NEBL: variants seen among roughly 807,000 people sequenced by gnomAD.
NEBL encodes nebulette.
Under a neutral mutation model 140.2 loss-of-function variants are expected in NEBL, and 122 were observed. The observed-to-expected ratio is 0.87, with a 90% confidence interval of 0.75 to 1.01. NEBL has a LOEUF of 1.01. Ranked by LOEUF, NEBL falls within the 50% of genes least tolerant of loss-of-function variation. The pLI, the probability that NEBL is intolerant of heterozygous loss-of-function variation, is 0.00. For missense variants in NEBL, 1,365 were observed against 1,231.3 expected (o/e 1.11, Z -1.62); for synonymous variants, 436 against 398.9 (o/e 1.09, Z -1.11).
chr10:21,115,906 G>A lies in NEBL; in HGVS notation c.164+56477C>T, dbSNP rs374045262. On this transcript the variant is annotated intron_variant, in intron 2 of 6. Coordinates refer to the NEBL transcript ENST00000417816. Reference sequence around the variant, plus strand: ...ATAAACATGATGGGCTATTTTCTACGGTCCCACTACTCACTGATGCTCCGT... The same window carrying A: ...ATAAACATGATGGGCTATTTTCTACAGTCCCACTACTCACTGATGCTCCGT... 3.2e-4 allele frequency among the ~76,000 whole-genome samples: 49 copies of A among 151,526 alleles called. 2 individuals carry two copies. The highest frequency in any genetic ancestry group is 9.7e-4 in the East Asian group (5 of 5,160).
intron 2 of NEBL, among the ~76,000 whole-genome samples, chr10:21,026,764 C>A (rs139856456): frequency 6.6e-6 from 1 of 152,154 alleles, no homozygotes; most frequent in Non-Finnish European, 1.5e-5. Flanking sequence ...ATTTGAAAGG[C>A]CTGCTTAGAA....
chr10:20,993,911 G>A (rs1050726110), intron 3 of NEBL, among the ~76,000 whole-genome samples: 4 of 152,156 alleles, frequency 2.6e-5, no homozygotes, highest in Non-Finnish European at 4.4e-5. Flanking sequence ...CAGCTTAACA[G>A]GCTTTAGCCA....
intron 2 of NEBL, among the ~76,000 whole-genome samples, chr10:21,080,249 C>T (rs959814022): frequency 6.6e-6 from 1 of 152,230 alleles, no homozygotes; most frequent in Non-Finnish European, 1.5e-5. Flanking sequence ...TAAATAGATA[C>T]TTTGGATATG....
chr10:20,930,989 CCAGT>C (rs1296344895), intron 4 of NEBL, among the ~76,000 whole-genome samples: 3 of 152,168 alleles, frequency 2.0e-5, no homozygotes, highest in Non-Finnish European at 2.9e-5. Context: ...TACCTTTACT[CCAGT>C]CAATCGTGGA....
intron 2 of NEBL, among the ~76,000 whole-genome samples, chr10:21,088,055 C>G (rs1332078163): frequency 1.3e-5 from 2 of 152,164 alleles, no homozygotes; most frequent in Non-Finnish European, 2.9e-5. Flanking sequence ...TGAAGCTTCC[C>G]CTGACAGTGT....
chr10:21,075,842 G>A (rs780060790), intron 2 of NEBL, among the ~76,000 whole-genome samples: 4 of 151,908 alleles, frequency 2.6e-5, no homozygotes, highest in Non-Finnish European at 4.4e-5. Flanking sequence ...ACAAAATAAC[G>A]AACAACCCCA....
At chr10:21,196,488 G>A (rs937868514) in intron 3 of NEBL, among the ~76,000 whole-genome samples, 2 of 151,788 alleles carry the variant, frequency 1.3e-5, no homozygotes, top group Non-Finnish European at 2.9e-5. Flanking sequence ...GGGATTACAG[G>A]CGCCCATCAC....
chr10:20,897,182 A>G lies in NEBL; in HGVS notation c.24T>C (p.Asp8=), dbSNP rs567640406. MRVPVFE[D]IKDETEEEKI... Reference sequence around the variant, plus strand: ...TTTCTTCTTCAGTTTCATCTTTTATATCCTCAAATACAGGGACCCTCATTT... The same window carrying G: ...TTTCTTCTTCAGTTTCATCTTTTATGTCCTCAAATACAGGGACCCTCATTT... The change falls in exon 1 of 28, where the codon GAT becomes GAC. Residue 8 remains aspartate (D), a synonymous_variant. Coordinates refer to ENST00000377122, the MANE Select transcript of NEBL (RefSeq NM_006393.3). 2.5e-6 allele frequency: 4 copies of G among 1,603,956 alleles called. No individual in the cohort carries two copies. The South Asian group carries it at 4.4e-5, about 18-fold the overall frequency.
chr10:20,957,737 A>G (rs1005167274), intron 4 of NEBL, among the ~76,000 whole-genome samples: 6 of 152,176 alleles, frequency 3.9e-5, no homozygotes, highest in African/African-American at 1.4e-4. Flanking sequence ...TCACCATTTC[A>G]GTCAGTCTTT....
rs12220884 is a variant in NEBL, at chr10:21,015,783, G to C, written c.249+4334C>G. On this transcript the variant is annotated intron_variant, in intron 3 of 6. Coordinates refer to the NEBL transcript ENST00000417816. ...CCACCTCAGCCTCCCGAAGTGCTGG[G>C]ATTACAGGCATAAGCCACAGCACCC... 0.051 allele frequency among the ~76,000 whole-genome samples: 7,843 copies of C among 152,310 alleles called. 1,002 individuals are homozygous for C. The East Asian group carries it at 0.54, about 11-fold the overall frequency.
At chr10:20,809,724 T>A (rs1358755211) in intron 25 of NEBL, 82 bp downstream of exon 25, 2 of 1,121,610 alleles carry the variant, frequency 1.8e-6, no homozygotes, top group African/African-American at 3.1e-5. Context: ...CATTACACAG[T>A]ACAATGAACC....
intron 2 of NEBL, among the ~76,000 whole-genome samples, chr10:20,892,480 A>G (rs1847110808): frequency 6.6e-6 from 1 of 152,200 alleles, no homozygotes; most frequent in Admixed American, 6.5e-5. Context: ...TCCGGGCTTT[A>G]TATGTGGAGG....
chr10:21,091,237 T>G (rs1836897927), intron 2 of NEBL, among the ~76,000 whole-genome samples: 2 of 152,190 alleles, frequency 1.3e-5, no homozygotes, highest in South Asian at 4.1e-4. Context: ...CACATGCAAT[T>G]CCATTGTTGG....
intron 3 of NEBL, among the ~76,000 whole-genome samples, chr10:21,193,292 T>C (rs921486045): frequency 1.3e-5 from 2 of 152,152 alleles, no homozygotes; most frequent in Non-Finnish European, 2.9e-5. Context: ...CTCACACAGC[T>C]AGTAGCTGGA....
At chr10:21,030,033 C>T (rs1833712765) in intron 2 of NEBL, 1 of 485,742 alleles carries the variant, frequency 2.1e-6, no homozygotes, top group East Asian at 4.6e-5. Flanking sequence ...CATAATACTC[C>T]TAAGGGAGAT....
chr10:21,208,482 A>G (rs1841865426), intron 3 of NEBL, among the ~76,000 whole-genome samples: 1 of 152,120 alleles, frequency 6.6e-6, no homozygotes, highest in Admixed American at 6.5e-5. Flanking sequence ...AACTTGGTTT[A>G]TTTTTGTTTC....
At chr10:21,001,935 G>T (rs1028293385) in intron 3 of NEBL, among the ~76,000 whole-genome samples, 3 of 152,140 alleles carry the variant, frequency 2.0e-5, no homozygotes, top group African/African-American at 7.2e-5. Context: ...TTTCTCATTT[G>T]TGGATTGAGC....
chr10:20,845,581 G>A (rs1390744969), intron 11 of NEBL: 2 of 489,130 alleles, frequency 4.1e-6, no homozygotes, highest in Non-Finnish European at 7.4e-6. Flanking sequence ...CTCTTCCTCT[G>A]GTAAATCATT....
rs1245523793 is a variant in NEBL at position 20,784,630 on chromosome 10, G to T, written c.*1117C>A. 1 of 152,134 alleles carries T rather than the reference G, an allele frequency of 6.6e-6. No individual in the cohort carries two copies. Among genetic ancestry groups the T allele is most frequent in the African/African-American group, 2.4e-5 (1 of 41,428 alleles). The allele number at this position is 152,134 out of a possible 1,614,324, so 9.4% of individuals were successfully genotyped here. A position where few individuals can be genotyped will look rare whatever the true frequency, so the allele number is the denominator to read the frequency against. On this transcript the variant is annotated 3_prime_UTR_variant, in exon 28 of 28. Transcript: ENST00000377122. ...CTGTATGGAATTGGTAACTTTGTTT[G>T]CTGAGTATTTTTCCAGTCACACTCC...
Sources: gnomAD v4.1 joint callset for allele counts (sites outside exome capture counted in the v4.1 genomes callset) on GRCh38, gnomAD v4.1.1 for gene constraint, MANE v1.5 for transcripts, NCBI Gene and HGNC (gene_info 2026-07-23, HGNC 2026-07-21) for gene names.